ICA1: variants seen among roughly 807,000 people sequenced by gnomAD.
ICA1 encodes the protein islet cell autoantigen 1, also known as 69 kDa islet cell autoantigen.
In ICA1, 40 loss-of-function variants were observed where a neutral mutation model predicts 71.0. That is an observed-to-expected ratio of 0.56 (90% CI 0.44 to 0.73). The LOEUF (loss-of-function observed/expected upper bound fraction) is 0.73. Among genes scored for constraint, ICA1 ranks in the 30% least tolerant of loss-of-function variants. The pLI, the probability that ICA1 is intolerant of heterozygous loss-of-function variation, is 0.00. For synonymous variants in ICA1, 207 were observed against 209.5 expected (o/e 0.99, Z 0.10); for missense variants, 578 against 576.5 (o/e 1.00, Z -0.03).
intron 13 of ICA1, among the ~76,000 whole-genome samples, chr7:8,122,030 G>A (rs570672693): frequency 6.6e-6 from 1 of 152,202 alleles, no homozygotes; most frequent in African/African-American, 2.4e-5. Context: ...CTCAAGGAAG[G>A]CTCCTCAGTG....
At chr7:8,180,977 T>G (rs748062388) in intron 6 of ICA1, among the ~76,000 whole-genome samples, 1 of 152,086 alleles carries the variant, frequency 6.6e-6, no homozygotes, top group African/African-American at 2.4e-5. Flanking sequence ...ATGAAAAGAT[T>G]GAATTTTCAT....
chr7:8,181,650 T>C (rs761262471), intron 6 of ICA1, among the ~76,000 whole-genome samples: 1 of 152,176 alleles, frequency 6.6e-6, no homozygotes, highest in South Asian at 2.1e-4. Context: ...TCCTAAGCAA[T>C]GTTTTGCAGT....
intron 2 of ICA1, 139 bp from the exon 3 acceptor site, chr7:8,232,894 A>T (rs1334975001): frequency 1.4e-6 from 1 of 690,400 alleles, no homozygotes. Flanking sequence ...GCACTTTCTT[A>T]TCTGGGTGTT....
At chr7:8,229,171 T>C (rs1036259365) in intron 3 of ICA1, among the ~76,000 whole-genome samples, 2 of 152,144 alleles carry the variant, frequency 1.3e-5, no homozygotes, top group Non-Finnish European at 2.9e-5. Flanking sequence ...GCAAACAAAA[T>C]CAATCAGCTG....
chr7:8,146,202 G>A (rs946708589), intron 8 of ICA1, among the ~76,000 whole-genome samples: 3 of 152,156 alleles, frequency 2.0e-5, no homozygotes, highest in Non-Finnish European at 1.5e-5. Context: ...AATTAAAACC[G>A]AGGGATAGAA....
rs1337677533 is a variant in ICA1 at position 8,153,470 on chromosome 7, G to T, written c.804+3646C>A. Among the ~76,000 whole-genome samples, 3 of 152,250 alleles carry T rather than the reference G, an allele frequency of 2.0e-5. No individual in the cohort carries two copies. In the East Asian group the frequency reaches 5.8e-4, roughly 29 times the overall value. ...GATATAATATATGTGAGATTTTCCA[G>T]GGAAAAGCCACTCTACTTATGAGGT... On this transcript the variant is annotated intron_variant, in intron 8 of 13. Transcript: ENST00000402384.
chr7:8,215,786 C>T (rs1185416769), intron 6 of ICA1, among the ~76,000 whole-genome samples: 1 of 152,150 alleles, frequency 6.6e-6, no homozygotes, highest in Non-Finnish European at 1.5e-5. Flanking sequence ...TCCTTTAAGA[C>T]GTGAAGGTGG....
intron 8 of ICA1, chr7:8,156,767 TC>T: frequency 7.1e-7 from 1 of 1,411,114 alleles, no homozygotes; most frequent in Non-Finnish European, 9.3e-7. Context: ...TTGTACAATC[TC>T]CCCTTTAGCA....
intron 13 of ICA1, among the ~76,000 whole-genome samples, chr7:8,124,492 T>C (rs1434101057): frequency 6.6e-6 from 1 of 152,108 alleles, no homozygotes; most frequent in African/African-American, 2.4e-5. Context: ...ATTCATCCTT[T>C]CCTCTTTTTT....
chr7:8,203,688 G>A (rs987122025), intron 6 of ICA1, among the ~76,000 whole-genome samples: 1 of 152,212 alleles, frequency 6.6e-6, no homozygotes, highest in Non-Finnish European at 1.5e-5. Context: ...GAGTTGAGAT[G>A]TTCTTCACTG....
At chr7:8,158,798 C>T (rs904207437) in intron 6 of ICA1, 146 bp from the exon 7 acceptor site, 40 of 772,818 alleles carry the variant, frequency 5.2e-5, no homozygotes, top group African/African-American at 4.6e-4. Context: ...GATGTTACAA[C>T]ATCCATTCTT....
chr7:8,210,132 G>C (rs1793132853), intron 6 of ICA1, among the ~76,000 whole-genome samples: 1 of 152,208 alleles, frequency 6.6e-6, no homozygotes, highest in Non-Finnish European at 1.5e-5. Flanking sequence ...AGTGTGGAAA[G>C]GGGTGCCAAT....
chr7:8,229,275 CAG>C (rs1490915204), intron 3 of ICA1, among the ~76,000 whole-genome samples: 2 of 152,166 alleles, frequency 1.3e-5, no homozygotes, highest in Non-Finnish European at 2.9e-5. Context: ...ATAAACCATA[CAG>C]AGAGAAAATA....
At chr7:8,165,697 TA>T (rs71014768) in intron 6 of ICA1, among the ~76,000 whole-genome samples, 143,249 of 152,212 alleles carry the variant, frequency 0.94, 67,439 homozygotes, top group African/African-American at 0.95. Context: ...AAATCAATTA[TA>T]AAAAAAATCA....
intron 9 of ICA1, 53 bp from the exon 10 acceptor site, chr7:8,141,870 G>A: frequency 7.2e-7 from 1 of 1,379,576 alleles, no homozygotes; most frequent in African/African-American, 1.4e-5. Context: ...TTATATTTAT[G>A]ATACAGCCAG....
At chr7:8,241,364 C>A (rs1174615524) in intron 1 of ICA1, among the ~76,000 whole-genome samples, 1 of 152,132 alleles carries the variant, frequency 6.6e-6, no homozygotes, top group Non-Finnish European at 1.5e-5. Flanking sequence ...AAAGCAAATG[C>A]TGAGAGATTT....
chr7:8,244,441 C>A (rs962099258), intron 1 of ICA1, among the ~76,000 whole-genome samples: 3 of 152,044 alleles, frequency 2.0e-5, no homozygotes, highest in Non-Finnish European at 2.9e-5. Flanking sequence ...GTTAGACCTA[C>A]AACCATAAAA....
chr7:8,260,626 T>C (rs187365838), intron 1 of ICA1, among the ~76,000 whole-genome samples: 17 of 152,366 alleles, frequency 1.1e-4, no homozygotes, highest in Admixed American at 1.0e-3. Context: ...TTAAGATGTA[T>C]GTACAGTATT....
At chr7:8,142,970 T>C (rs377070099) in intron 9 of ICA1, among the ~76,000 whole-genome samples, 46 of 152,330 alleles carry the variant, frequency 3.0e-4, no homozygotes, top group Middle Eastern at 3.4e-3. Flanking sequence ...GGCAGCAACT[T>C]TTCCTGTGGG....
Sources: gnomAD v4.1 joint callset for allele counts (sites outside exome capture counted in the v4.1 genomes callset) on GRCh38, gnomAD v4.1.1 for gene constraint, MANE v1.5 for transcripts, NCBI Gene and HGNC (gene_info 2026-07-23, HGNC 2026-07-21) for gene names.